The following PDE11A variants were observed in gnomAD, a reference collection of about 807,000 sequenced individuals.
PDE11A encodes phosphodiesterase 11A.
In PDE11A, 100 loss-of-function variants were observed where a neutral mutation model predicts 100.5. That is an observed-to-expected ratio of 1.00 (90% CI 0.85 to 1.18). The LOEUF is 1.18. Among genes scored for constraint, PDE11A ranks in the 50% most tolerant of loss-of-function variants. The pLI is 0.00. For synonymous variants in PDE11A, 381 were observed against 420.8 expected (o/e 0.91, Z 1.16); for missense variants, 1,141 against 1,152.6 (o/e 0.99, Z 0.15).
chr2:177,634,641 G>A (rs1379522935), intron 19 of PDE11A, among the ~76,000 whole-genome samples: 2 of 152,082 alleles, frequency 1.3e-5, no homozygotes, highest in Admixed American at 1.3e-4. Context: ...CCCCGCCTCC[G>A]CCTCCCAAAG....
intron 5 of PDE11A, among the ~76,000 whole-genome samples, chr2:177,861,266 T>G (rs528300519): frequency 3.1e-4 from 47 of 151,786 alleles, no homozygotes; most frequent in African/African-American, 1.1e-3. Flanking sequence ...TATACAAAAC[T>G]CAGCTGTATT....
At chr2:177,955,605 G>T (rs1309410214) in intron 2 of PDE11A, among the ~76,000 whole-genome samples, 1 of 151,976 alleles carries the variant, frequency 6.6e-6, no homozygotes, top group Non-Finnish European at 1.5e-5. Flanking sequence ...TCTAACAAGG[G>T]GCTGGTCCAC....
chr2:177,931,068 C>T (rs927132901), intron 2 of PDE11A, among the ~76,000 whole-genome samples: 5 of 152,084 alleles, frequency 3.3e-5, no homozygotes, highest in African/African-American at 4.8e-5. Context: ...CTTATAGATA[C>T]TATGTTTTAA....
rs202150390 is a variant in PDE11A, at chr2:177,881,741, ATTAAT to A, written c.1303-5823_1303-5819del. On this transcript the variant is annotated intron_variant, in intron 4 of 19. Coordinates refer to ENST00000286063, the MANE Select transcript of PDE11A (RefSeq NM_016953.4). Reference sequence around the variant, plus strand: ...GTTTCATTGTAACAAAGCCATACTTATTAATTTAAGTATTGTCTGTGCCTGCTTTC... The same window carrying A: ...GTTTCATTGTAACAAAGCCATACTTATTAAGTATTGTCTGTGCCTGCTTTC... 7.2e-3 allele frequency among the ~76,000 whole-genome samples: 1,097 copies of A among 152,376 alleles called. 12 individuals are homozygous for A. The highest frequency in any genetic ancestry group is 0.025 in the African/African-American group (1,021 of 41,588).
intron 1 of PDE11A, among the ~76,000 whole-genome samples, chr2:178,069,662 A>T (rs1002771100): frequency 6.6e-6 from 1 of 152,178 alleles, no homozygotes; most frequent in Non-Finnish European, 1.5e-5. Flanking sequence ...CACTCTGCAG[A>T]GTAAGGGTAG....
intron 2 of PDE11A, among the ~76,000 whole-genome samples, chr2:177,914,135 CA>C (rs1290393658): frequency 2.0e-5 from 3 of 152,116 alleles, no homozygotes; most frequent in Non-Finnish European, 4.4e-5. Context: ...GAACACTTTT[CA>C]TAATTTGTTG....
chr2:177,775,078 A>G (rs13396065), intron 9 of PDE11A, among the ~76,000 whole-genome samples: 49,920 of 152,024 alleles, frequency 0.33, 8,552 homozygotes, highest in African/African-American at 0.38. Flanking sequence ...CACAGAATGC[A>G]GGTAGGTTTT....
At chr2:177,690,203 C>A (rs953228298) in intron 15 of PDE11A, among the ~76,000 whole-genome samples, 5 of 152,214 alleles carry the variant, frequency 3.3e-5, no homozygotes, top group African/African-American at 1.2e-4. Flanking sequence ...CTCCATCAAC[C>A]TACTACAGGG....
At chr2:177,988,771 T>C (rs1252254848) in intron 2 of PDE11A, among the ~76,000 whole-genome samples, 2 of 152,154 alleles carry the variant, frequency 1.3e-5, no homozygotes, top group Non-Finnish European at 2.9e-5. Flanking sequence ...GTCAAAAGGA[T>C]GAGCCAAGCT....
At chr2:177,972,785 C>A (rs965344959) in intron 2 of PDE11A, among the ~76,000 whole-genome samples, 7 of 152,144 alleles carry the variant, frequency 4.6e-5, no homozygotes, top group African/African-American at 1.7e-4. Flanking sequence ...ACAGGTAAGG[C>A]TCCTACCAGA....
intron 1 of PDE11A, among the ~76,000 whole-genome samples, chr2:178,044,650 T>C (rs2086727321): frequency 6.6e-6 from 1 of 151,954 alleles, no homozygotes; most frequent in African/African-American, 2.4e-5. Flanking sequence ...CCATTTAACT[T>C]CCCTCAGACT....
intron 2 of PDE11A, among the ~76,000 whole-genome samples, chr2:177,993,936 ATT>A (rs10622468): frequency 9.9e-5 from 14 of 141,036 alleles, no homozygotes; most frequent in Non-Finnish European, 1.5e-4. Context: ...GCAAATGTAA[ATT>A]TTTTTTTTTT....
chr2:178,044,416 TTA>T (rs905890373), intron 1 of PDE11A, among the ~76,000 whole-genome samples: 6 of 148,440 alleles, frequency 4.0e-5, no homozygotes, highest in African/African-American at 1.5e-4. Context: ...TATATAAACT[TTA>T]TATATATGTT....
At chr2:177,825,599 G>T (rs1396409221) in intron 6 of PDE11A, among the ~76,000 whole-genome samples, 1 of 152,338 alleles carries the variant, frequency 6.6e-6, no homozygotes, top group East Asian at 1.9e-4. Context: ...GGAGGAAAAG[G>T]AGAAGGGAGA....
intron 5 of PDE11A, among the ~76,000 whole-genome samples, chr2:177,863,484 G>A (rs920828464): frequency 2.0e-5 from 3 of 151,938 alleles, no homozygotes; most frequent in East Asian, 1.9e-4. Flanking sequence ...CAACTCAAAA[G>A]TGGAAAAACA....
chr2:177,721,768 A>T (rs1249153626), intron 12 of PDE11A, among the ~76,000 whole-genome samples: 1 of 152,186 alleles, frequency 6.6e-6, no homozygotes, highest in Non-Finnish European at 1.5e-5. Context: ...CTTGCTGCAC[A>T]TTAATTGTGT....
rs186478898 is a variant in PDE11A at position 177,683,455 on chromosome 2, A to G, written c.2346-2552T>C. 18 of 152,218 alleles carry G rather than the reference A, an allele frequency of 1.2e-4. No homozygotes were observed. In the East Asian group the frequency reaches 3.3e-3, roughly 28 times the overall value. 9.4% of individuals were successfully genotyped at this position (152,218 alleles called of 1,614,324 possible). On this transcript the variant is annotated intron_variant, in intron 15 of 19. Transcript: ENST00000286063. The stretch of plus-strand genomic sequence containing the variant: ...TGACCAATGGTCGTGCCTTTTTCAT[A>G]TTACTGAGATAGCCAAGTAAAACGA...
chr2:177,727,697 A>T lies in PDE11A; in HGVS notation c.2004T>A (p.His668Gln). The T allele has an allele frequency of 6.2e-7, 1 of 1,611,356 alleles. No homozygotes were observed. Among genetic ancestry groups the T allele is most frequent in the Non-Finnish European group, 8.5e-7 (1 of 1,177,578 alleles). The change falls in exon 12 of 20, where the codon CAT becomes CAA. Residue 668 changes from histidine to glutamine, a missense_variant. Coordinates refer to ENST00000286063, the MANE Select transcript of PDE11A (RefSeq NM_016953.4). ...YRMVLYHNWR[H>Q]AFNVCQLMFA... is the part of the protein sequence containing the mutation. ...ACATCAGCTGACACACGTTGAAGGC[A>T]TGTCTCCAGTTGTGGTATAGAACCA...
intron 3 of PDE11A, among the ~76,000 whole-genome samples, chr2:177,900,118 A>G (rs1044669099): frequency 6.6e-6 from 1 of 152,162 alleles, no homozygotes; most frequent in Non-Finnish European, 1.5e-5. Context: ...AATAAATAAT[A>G]TTTGTTTGGA....
Sources: allele counts gnomAD v4.1 joint callset (sites outside exome capture counted in the v4.1 genomes callset), GRCh38; gene constraint gnomAD v4.1.1; transcripts MANE v1.5; gene names NCBI Gene and HGNC (gene_info 2026-07-23, HGNC 2026-07-21).